Variants in AGAP6 observed in about 807,000 individuals in gnomAD.
AGAP6 encodes the protein arf-GAP with GTPase, ANK repeat and PH domain-containing protein 6.
In AGAP6, 29 loss-of-function variants were observed where a neutral mutation model predicts 63.9. The observed-to-expected ratio is 0.45, with a 90% CI of 0.34 to 0.62. The LOEUF is 0.62. Ranked by LOEUF, AGAP6 falls within the 20% of genes least tolerant of loss-of-function variation. The probability of loss-of-function intolerance (pLI) is 0.01; values close to 1 mark genes in which losing one functional copy is unlikely to be tolerated. For synonymous variants in AGAP6, 199 were observed against 332.9 expected, an observed-to-expected ratio of 0.60 and a Z score of 4.38; for missense variants, 493 against 884.9, an observed-to-expected ratio of 0.56 and a Z score of 5.62.
At position 50,009,876 on chromosome 10, in the gene AGAP6, A is replaced by T. The variant is rs781815083; in HGVS notation, c.1751A>T (p.Glu584Val). ...TTTCTGGCCCCACTACCCTGCACTGAGCTGTCCCTGGGCCAGCAGCTGCTG... is the reference window on the plus strand; with the variant it reads ...TTTCTGGCCCCACTACCCTGCACTGTGCTGTCCCTGGGCCAGCAGCTGCTG... Reference protein sequence around the residue: ...KLFLAPLPCTELSLGQQLLRA... With the variant: ...KLFLAPLPCTVLSLGQQLLRA... Residue 584 changes from glutamate (E) to valine (V), a missense_variant, in exon 8 of 8, where the codon GAG becomes GTG. Around this residue, in one of 7 missense-constraint regions of AGAP6, gnomAD observed 34 missense variants for 82.7 expected, o/e 0.41. Coordinates refer to ENST00000412531, the MANE Select transcript of AGAP6 (RefSeq NM_001077665.3). The T allele has an allele frequency of 1.9e-6, 3 of 1,611,292 alleles. No individual in the cohort carries two copies. Among genetic ancestry groups the T allele is most frequent in the Non-Finnish European group, 2.5e-6 (3 of 1,179,724 alleles).
At chr10:50,007,944 A>G (rs1841970966) in intron 6 of AGAP6, 81 bp from the exon 7 acceptor site, 6 of 1,608,746 alleles carry the variant, frequency 3.7e-6, no homozygotes. Flanking sequence ...ACCAAAGCAC[A>G]CAGGAGGCAG....
rs1589078528 is a variant in AGAP6, at chr10:49,988,528, C to T, written c.-188C>T. On this transcript the variant is annotated 5_prime_UTR_variant, in exon 1 of 8. Coordinates refer to ENST00000412531, the MANE Select transcript of AGAP6 (RefSeq NM_001077665.3). The stretch of plus-strand genomic sequence containing the variant: ...CTCAGGGGAGGCAGCAGGGTGCGGG[C>T]CTTGGCCCGCAGCCCTAGCCGGGGC... 8.7e-6 allele frequency: 13 copies of T among 1,496,756 alleles called. No homozygotes were observed. In the East Asian group the frequency reaches 3.2e-4, roughly 37 times the overall value. 92.7% of individuals were successfully genotyped at this position (1,496,756 alleles called of 1,614,324 possible).
chr10:49,988,800 T>C lies in AGAP6; in HGVS notation c.85T>C (p.Ser29Pro). Reference sequence around the variant, plus strand: ...GCAGGGGTCGGTGTGTCCCTCTGAATCTGAGACCTATGAGGCAGGAGCTAG... The same window carrying C: ...GCAGGGGTCGGTGTGTCCCTCTGAACCTGAGACCTATGAGGCAGGAGCTAG... ...QQQGSVCPSE[S>P]ETYEAGARDR... The change falls in exon 1 of 8, where the codon TCT becomes CCT. Residue 29 changes from serine (S) to proline (P), a missense_variant. Around this residue, in one of 7 missense-constraint regions of AGAP6, gnomAD observed 342 missense variants for 533.4 expected, o/e 0.64. Coordinates refer to ENST00000412531, the MANE Select transcript of AGAP6 (RefSeq NM_001077665.3). The C allele has an allele frequency of 6.3e-7, 1 of 1,597,122 alleles. No homozygotes were observed. The highest frequency in any genetic ancestry group is 8.5e-7 in the Non-Finnish European group (1 of 1,179,498).
In AGAP6 at chr10:50,010,332, G is replaced by A. The variant is rs1353137560; in HGVS notation, c.*146G>A. The A allele has an allele frequency of 7.2e-6, 11 of 1,523,938 alleles. No individual in the cohort carries two copies. Among genetic ancestry groups the A allele is most frequent in the East Asian group, 6.8e-5 (3 of 44,130 alleles). 94.4% of individuals were successfully genotyped at this position (1,523,938 alleles called of 1,614,324 possible). On this transcript the variant is annotated 3_prime_UTR_variant, in exon 8 of 8. Coordinates refer to ENST00000412531, the MANE Select transcript of AGAP6 (RefSeq NM_001077665.3). Reference sequence around the variant, plus strand: ...CGTAAACTAAGTAAATACACAAAATGTTGATTTTTCTGACCATAAGACGTA... The same window carrying A: ...CGTAAACTAAGTAAATACACAAAATATTGATTTTTCTGACCATAAGACGTA...
chr10:49,994,743 A>T (rs1554861659), intron 4 of AGAP6, among the ~76,000 whole-genome samples: 1 of 152,178 alleles, frequency 6.6e-6, no homozygotes, highest in African/African-American at 2.4e-5. Context: ...CAGGCTGATC[A>T]TCTGAGGTCA....
chr10:49,989,402 A>G (rs782814221), intron 2 of AGAP6, 26 bp downstream of exon 2: 50 of 1,597,286 alleles, frequency 3.1e-5, no homozygotes, highest in Middle Eastern at 2.3e-4. Flanking sequence ...CTGTAGCTCT[A>G]TTTATTATCC....
intron 4 of AGAP6, among the ~76,000 whole-genome samples, chr10:49,998,051 T>C (rs1210674942): frequency 7.5e-6 from 1 of 133,356 alleles, no homozygotes; most frequent in African/African-American, 2.9e-5. Context: ...CACTCATTGA[T>C]TGATGGGCAT....
intron 3 of AGAP6, 80 bp from the exon 4 acceptor site, chr10:49,994,315 T>G (rs1247949678): frequency 1.4e-6 from 2 of 1,384,428 alleles, no homozygotes; most frequent in Admixed American, 4.7e-5. Context: ...TACGTAGGAG[T>G]AATCAGTAAG....
chr10:49,993,119 G>C (rs1554861351), intron 3 of AGAP6, among the ~76,000 whole-genome samples: 1 of 152,160 alleles, frequency 6.6e-6, no homozygotes, highest in East Asian at 1.9e-4. Context: ...ATGGGGATGG[G>C]ACCAAGCCAT....
At chr10:49,998,911 C>T (rs1474443703) in intron 4 of AGAP6, among the ~76,000 whole-genome samples, 2 of 139,784 alleles carry the variant, frequency 1.4e-5, no homozygotes, top group Non-Finnish European at 3.0e-5. Flanking sequence ...TAGTTCCCAA[C>T]GGCATATCAA....
At position 50,009,141 on chromosome 10, in the gene AGAP6, A is replaced by G. The variant is rs1554864801; in HGVS notation, c.1016A>G (p.Lys339Arg). Residue 339 changes from lysine (K) to arginine (R), a missense_variant, in exon 8 of 8, where the codon AAA becomes AGA. Lys to Arg is a conservative substitution (Grantham distance 26). Around this residue, in one of 7 missense-constraint regions of AGAP6, gnomAD observed 342 missense variants for 533.4 expected, o/e 0.64. Coordinates refer to ENST00000412531, the MANE Select transcript of AGAP6 (RefSeq NM_001077665.3). ...KEIDLQTSTI[K>R]VPGKWPSLAT... ...ATTGACCTTCAGACATCTACCATCA[A>G]AGTCCCAGGAAAGTGGCCATCCCTA... 1 of 1,614,014 alleles carries G rather than the reference A, an allele frequency of 6.2e-7. No homozygotes were observed. Among genetic ancestry groups the G allele is most frequent in the African/African-American group, 1.3e-5 (1 of 74,930 alleles).
At position 50,009,645 on chromosome 10, in the gene AGAP6, G is replaced by A. The variant is rs199841016; in HGVS notation, c.1520G>A (p.Arg507His). 110 of 1,613,708 alleles carry A rather than the reference G, an allele frequency of 6.8e-5. No individual in the cohort carries two copies. Among genetic ancestry groups the A allele is most frequent in the Admixed American group, 1.5e-4 (9 of 59,980 alleles). The change falls in exon 8 of 8, where the codon CGC (arginine) becomes CAC (histidine). Residue 507 changes from arginine (R) to histidine (H), a missense_variant. By Grantham distance (29) the Arg-to-His change is conservative. Coordinates refer to ENST00000412531, the MANE Select transcript of AGAP6 (RefSeq NM_001077665.3). ...LMCIECSGIH[R>H]SLGPHLSRVR... ...TGTATTGAATGCTCAGGTATCCACC[G>A]CAGTCTTGGCCCCCACCTTTCCCGT...
At chr10:49,990,334 A>G (rs1554860580) in intron 2 of AGAP6, among the ~76,000 whole-genome samples, 1 of 152,092 alleles carries the variant, frequency 6.6e-6, no homozygotes, top group Non-Finnish European at 1.5e-5. Flanking sequence ...AGTTCCAGCT[A>G]CTCACAAGGC....
intron 4 of AGAP6, among the ~76,000 whole-genome samples, chr10:50,000,028 A>G (rs1355324073): frequency 1.6e-5 from 2 of 128,598 alleles, no homozygotes; most frequent in African/African-American, 6.1e-5. Flanking sequence ...TCCGCATCCA[A>G]TGGGTACTGC....
rs182787147 is a variant in AGAP6 at position 49,994,156 on chromosome 10, A to G, written c.362-239A>G. 5.8e-3 allele frequency among the ~76,000 whole-genome samples: 887 copies of G among 152,264 alleles called. 8 individuals carry two copies. Among genetic ancestry groups the G allele is most frequent in the Non-Finnish European group, 4.9e-3 (333 of 68,006 alleles). ...TTTTTACCCTTTTCTTTTGTACATG[A>G]GGATTCTTTCATTTGTATGTAATAG... On this transcript the variant is annotated intron_variant, in intron 3 of 7. Transcript: ENST00000412531.
At chr10:49,994,666 A>G (rs1350104692) in intron 4 of AGAP6, among the ~76,000 whole-genome samples, 2 of 152,232 alleles carry the variant, frequency 1.3e-5, no homozygotes, top group Non-Finnish European at 2.9e-5. Flanking sequence ...GTCTGGTTCA[A>G]AAGATCTGCC....
At chr10:49,992,266 T>C (rs1301626035) in intron 3 of AGAP6, among the ~76,000 whole-genome samples, 2 of 152,128 alleles carry the variant, frequency 1.3e-5, no homozygotes, top group Admixed American at 6.6e-5. Context: ...AGTTTTAGGT[T>C]ATTAACTTTT....
intron 1 of AGAP6, among the ~76,000 whole-genome samples, 159 bp downstream of exon 1, chr10:49,989,097 C>T (rs1841158503): frequency 6.6e-6 from 1 of 151,228 alleles, no homozygotes; most frequent in African/African-American, 2.4e-5. Context: ...CCTTGAATTC[C>T]CACCCCTTAG....
intron 2 of AGAP6, 61 bp from the exon 3 acceptor site, chr10:49,991,615 G>T: frequency 6.3e-7 from 1 of 1,590,712 alleles, no homozygotes; most frequent in Non-Finnish European, 8.5e-7. Context: ...TCGAATAAAC[G>T]AGTTGATAAA....
Sources: gnomAD v4.1 joint callset for allele counts (sites outside exome capture counted in the v4.1 genomes callset) on GRCh38, gnomAD v4.1.1 for gene constraint, gnomAD v4.1.1 regional missense constraint, MANE v1.5 for transcripts, NCBI Gene and HGNC (gene_info 2026-07-23, HGNC 2026-07-21) for gene names.